The following KRAS variants were observed in gnomAD, a reference collection of about 807,000 sequenced individuals.
KRAS encodes the protein GTPase KRas.
Under a neutral mutation model 21.0 loss-of-function variants are expected in KRAS, and 1 was observed. The observed-to-expected ratio is 0.05, with a 90% CI of 0.02 to 0.23. The LOEUF (loss-of-function observed/expected upper bound fraction) is 0.23. Among genes scored for constraint, KRAS ranks in the 10% least tolerant of loss-of-function variants. The pLI is 1.00. For missense variants in KRAS, 107 were observed against 221.8 expected (o/e 0.48, Z 3.29); for synonymous variants, 67 against 72.5 (o/e 0.92, Z 0.39).
intron 4 of KRAS, among the ~76,000 whole-genome samples, chr12:25,224,514 A>G (rs1951366153): frequency 6.6e-6 from 1 of 152,180 alleles, no homozygotes; most frequent in Non-Finnish European, 1.5e-5. Flanking sequence ...TAGCTGTATA[A>G]TGTGTGTTTT....
chr12:25,216,825 A>G lies in KRAS; in HGVS notation c.451-6914T>C, dbSNP rs143991621. 2.6e-5 allele frequency among the ~76,000 whole-genome samples: 4 copies of G among 152,344 alleles called. No homozygotes were observed. In the East Asian group the frequency reaches 5.8e-4, roughly 22 times the overall value. ...GTGCTGCTAGTTTGTTCAGAAAAGC[A>G]TACCATCAAAGTAGGGGCACAGAGA... On this transcript the variant is annotated intron_variant, in intron 4 of 4. Transcript: ENST00000311936.
At chr12:25,211,224 A>G (rs567953390) in intron 4 of KRAS, 1 of 152,356 alleles carries the variant, frequency 6.6e-6, no homozygotes, top group African/African-American at 2.4e-5. Flanking sequence ...AAATAAATGT[A>G]TTAAAAAAAT....
At chr12:25,209,967 A>G in intron 4 of KRAS, 56 bp from the exon 5 acceptor site, 1 of 1,339,616 alleles carries the variant, frequency 7.5e-7, no homozygotes, top group Non-Finnish European at 1.0e-6. Context: ...TCATGTGTAC[A>G]GGTAACAAAT....
At chr12:25,216,090 T>C (rs1451340176) in intron 4 of KRAS, among the ~76,000 whole-genome samples, 1 of 152,196 alleles carries the variant, frequency 6.6e-6, no homozygotes, top group Non-Finnish European at 1.5e-5. Context: ...CCTTGAGTTT[T>C]ATCTTAAATT....
At chr12:25,246,105 C>G (rs578015646) in intron 1 of KRAS, among the ~76,000 whole-genome samples, 2 of 143,560 alleles carry the variant, frequency 1.4e-5, no homozygotes, top group Non-Finnish European at 3.0e-5. Flanking sequence ...GCCGAGATGG[C>G]GCCACTGCAC....
chr12:25,233,984 C>T (rs1951511294), intron 2 of KRAS: 1 of 193,232 alleles, frequency 5.2e-6, no homozygotes, highest in African/African-American at 2.3e-5. Flanking sequence ...GACAAATGCC[C>T]CACTTTCAAT....
intron 2 of KRAS, among the ~76,000 whole-genome samples, chr12:25,240,935 T>G (rs1365674284): frequency 1.3e-5 from 2 of 152,208 alleles, no homozygotes; most frequent in Non-Finnish European, 2.9e-5. Flanking sequence ...CTACAAAATG[T>G]GCACTTTCAC....
chr12:25,230,103 G>A (rs531492199), intron 2 of KRAS, among the ~76,000 whole-genome samples: 12 of 152,170 alleles, frequency 7.9e-5, no homozygotes, highest in African/African-American at 2.4e-4. Context: ...GAATTACTCT[G>A]TAGACCATTC....
chr12:25,245,021 A>G (rs1452249955), intron 2 of KRAS, among the ~76,000 whole-genome samples: 1 of 152,214 alleles, frequency 6.6e-6, no homozygotes. Flanking sequence ...CTACCCTCTC[A>G]CGAAACTCTG....
intron 2 of KRAS, among the ~76,000 whole-genome samples, 164 bp downstream of exon 2, chr12:25,245,110 T>C (rs936127311): frequency 6.6e-6 from 1 of 152,208 alleles, no homozygotes; most frequent in Non-Finnish European, 1.5e-5. Context: ...AAAGTTCCCA[T>C]ATTAATGGTT....
In KRAS at chr12:25,207,141, G is replaced by C. The variant is rs1199644400; in HGVS notation, c.*2654C>G. 9.4e-6 allele frequency: 2 copies of C among 211,816 alleles called. No individual in the cohort carries two copies. The highest frequency in any genetic ancestry group is 1.9e-5 in the Non-Finnish European group (2 of 104,620). The allele number at this position is 211,816 out of a possible 1,614,324, so 13.1% of individuals were successfully genotyped here. ...TAGTAAGATATTACAGACCACACTA[G>C]CACTACCTAAGGACCGGGATTATGT... On this transcript the variant is annotated 3_prime_UTR_variant, in exon 5 of 5. Transcript: ENST00000311936.
At chr12:25,231,092 CTTTTTTTTTTTTT>C (rs34361223) in intron 2 of KRAS, among the ~76,000 whole-genome samples, 3 of 66,366 alleles carry the variant, frequency 4.5e-5, no homozygotes, top group African/African-American at 1.7e-4. Context: ...ACCTCACATT[CTTTTTTTTTTTTT>C]TTTTTTTTTT....
At chr12:25,224,891 C>T (rs956649315) in intron 4 of KRAS, among the ~76,000 whole-genome samples, 3 of 152,098 alleles carry the variant, frequency 2.0e-5, no homozygotes, top group African/African-American at 7.2e-5. Flanking sequence ...CATATGACTA[C>T]ATATAACAAT....
At chr12:25,220,294 G>A (rs969407252) in intron 4 of KRAS, among the ~76,000 whole-genome samples, 1 of 152,224 alleles carries the variant, frequency 6.6e-6, no homozygotes, top group Non-Finnish European at 1.5e-5. Context: ...TGTACTAGCA[G>A]AAAATAATTC....
chr12:25,235,113 C>T, intron 2 of KRAS: 1 of 421,198 alleles, frequency 2.4e-6, no homozygotes, highest in Non-Finnish European at 4.4e-6. Flanking sequence ...CTCAATATAA[C>T]TAGAACTGCT....
At chr12:25,220,666 G>A (rs1008820838) in intron 4 of KRAS, among the ~76,000 whole-genome samples, 1 of 150,974 alleles carries the variant, frequency 6.6e-6, no homozygotes, top group Admixed American at 6.6e-5. Flanking sequence ...AGCGGAGGTT[G>A]CAGTGAGCCA....
At chr12:25,235,511 TTA>T (rs1309616890) in intron 2 of KRAS, among the ~76,000 whole-genome samples, 1 of 152,158 alleles carries the variant, frequency 6.6e-6, no homozygotes, top group East Asian at 1.9e-4. Flanking sequence ...GTGTCACACA[TTA>T]TATAGTTTCT....
At chr12:25,227,737 T>C (rs560735804) in intron 2 of KRAS, among the ~76,000 whole-genome samples, 1 of 152,334 alleles carries the variant, frequency 6.6e-6, no homozygotes, top group South Asian at 2.1e-4. Flanking sequence ...CTGAAATCTT[T>C]GTGCATTGCT....
intron 4 of KRAS, chr12:25,225,286 T>TTATATA (rs68164603): frequency 2.8e-4 from 3 of 10,616 alleles, no homozygotes; most frequent in African/African-American, 1.4e-3. Flanking sequence ...GCCCTGTTCT[T>TTATATA]TATATATATA....
Sources: gnomAD v4.1 joint callset for allele counts (sites outside exome capture counted in the v4.1 genomes callset) on GRCh38, gnomAD v4.1.1 for gene constraint, MANE v1.5 for transcripts, NCBI Gene and HGNC (gene_info 2026-07-23, HGNC 2026-07-21) for gene names.